TDRD9: variants seen among roughly 807,000 people sequenced by gnomAD.
TDRD9 encodes the protein ATP-dependent RNA helicase TDRD9.
TDRD9 carries 124 observed loss-of-function variants against 172.6 expected under a neutral mutation model. The observed-to-expected ratio is 0.72, with a 90% CI of 0.62 to 0.83. The LOEUF is 0.83. Among genes scored for constraint, TDRD9 ranks in the 40% least tolerant of loss-of-function variants. TDRD9 has a pLI of 0.00. For missense variants in TDRD9, 1,479 were observed against 1,714.1 expected (o/e 0.86, Z 2.42); for synonymous variants, 619 against 617.1 (o/e 1.00, Z -0.05).
chr14:103,996,741 G>A (rs1170830304), intron 12 of TDRD9, among the ~76,000 whole-genome samples: 3 of 152,170 alleles, frequency 2.0e-5, no homozygotes, highest in African/African-American at 7.2e-5. Flanking sequence ...TGACACATTC[G>A]GGGTGGGTAG....
chr14:103,992,924 C>CAAAAAA (rs35212615), intron 9 of TDRD9, among the ~76,000 whole-genome samples: 7 of 58,832 alleles, frequency 1.2e-4, no homozygotes, highest in African/African-American at 2.0e-4. Context: ...GACTCCATCT[C>CAAAAAA]AAAAAAAAAA....
chr14:103,939,592 G>A (rs56253620), intron 1 of TDRD9, among the ~76,000 whole-genome samples: 280 of 146,058 alleles, frequency 1.9e-3, no homozygotes, highest in African/African-American at 6.8e-3. Flanking sequence ...GTTGCATTAC[G>A]TGATTGGGAT....
chr14:104,024,567 A>T lies in TDRD9; in HGVS notation c.2607-2A>T. 6.4e-7 allele frequency: 1 copy of T among 1,573,850 alleles called. No homozygotes were observed. The highest frequency in any genetic ancestry group is 1.2e-5 in the South Asian group (1 of 86,460). The stretch of plus-strand genomic sequence containing the variant: ...ATTTTAATAAAAATTCGTATTATGT[A>T]GGGTGAATGTGGACTTCCAGAAGCA... On this transcript the variant is annotated splice_acceptor_variant, in intron 24 of 35. Coordinates refer to ENST00000409874, the MANE Select transcript of TDRD9 (RefSeq NM_153046.3). LOFTEE classifies it high-confidence loss of function.
At chr14:103,932,723 A>C (rs530123626) in intron 1 of TDRD9, among the ~76,000 whole-genome samples, 1 of 152,300 alleles carries the variant, frequency 6.6e-6, no homozygotes, top group East Asian at 1.9e-4. Flanking sequence ...GGTATTGCAC[A>C]GTTAAAATGT....
At chr14:103,959,497 C>T (rs112629284) in intron 2 of TDRD9, among the ~76,000 whole-genome samples, 1 of 56,486 alleles carries the variant, frequency 1.8e-5, no homozygotes, top group Non-Finnish European at 3.9e-5. Flanking sequence ...TACATACACA[C>T]ACACACACAC....
intron 23 of TDRD9, among the ~76,000 whole-genome samples, chr14:104,018,405 G>T (rs2034856986): frequency 6.6e-6 from 1 of 152,204 alleles, no homozygotes; most frequent in South Asian, 2.1e-4. Flanking sequence ...GAACTAAGCT[G>T]CTGGTTAGTG....
At chr14:104,050,085 C>T (rs552281866) in intron 35 of TDRD9, 11 of 168,664 alleles carry the variant, frequency 6.5e-5, no homozygotes, top group South Asian at 3.4e-4. Flanking sequence ...AGTGCCACCA[C>T]GGGTAGGGGC....
At chr14:104,026,283 C>T (rs555468743) in intron 27 of TDRD9, 147 bp downstream of exon 27, 5 of 613,570 alleles carry the variant, frequency 8.1e-6, no homozygotes, top group Non-Finnish European at 1.4e-5. Context: ...GTCACAATAG[C>T]CAAATTTGGT....
At chr14:104,036,649 G>A (rs1359563085) in intron 32 of TDRD9, among the ~76,000 whole-genome samples, 1 of 152,170 alleles carries the variant, frequency 6.6e-6, no homozygotes, top group African/African-American at 2.4e-5. Context: ...CAACTCCAGA[G>A]TGCAAGCGTT....
At chr14:103,988,407 C>G (rs1438225260) in intron 8 of TDRD9, among the ~76,000 whole-genome samples, 1 of 152,020 alleles carries the variant, frequency 6.6e-6, no homozygotes, top group Non-Finnish European at 1.5e-5. Context: ...CTCTTGACCT[C>G]GTGATGCGCC....
At chr14:103,957,295 C>T (rs1035537660) in intron 2 of TDRD9, among the ~76,000 whole-genome samples, 2 of 152,174 alleles carry the variant, frequency 1.3e-5, no homozygotes, top group Admixed American at 6.5e-5. Flanking sequence ...GTGTTCTTGC[C>T]TCATCACAGG....
At chr14:103,971,385 A>G (rs1401295428) in intron 6 of TDRD9, among the ~76,000 whole-genome samples, 1 of 150,558 alleles carries the variant, frequency 6.6e-6, no homozygotes, top group Non-Finnish European at 1.5e-5. Context: ...GCTCACTGCC[A>G]CCTCCGCCTC....
Position 104,016,072 on chromosome 14 carries a change from C to G in TDRD9, c.2315C>G (p.Pro772Arg), listed in dbSNP as rs1282883250. 1.2e-6 allele frequency: 2 copies of G among 1,602,390 alleles called. No individual in the cohort carries two copies. Among genetic ancestry groups the G allele is most frequent in the South Asian group, 1.1e-5 (1 of 88,370 alleles). ...MAVRELAGKD[P>R]KTTVVLKHIP... ...GTGAGGGAGCTGGCTGGCAAGGACC[C>G]CAAGACAACTGTCGTGGTAGGTGCT... is the stretch of plus-strand genomic sequence containing the variant. The change falls in exon 22 of 36, where the codon CCC (proline) becomes CGC (arginine). Residue 772 changes from proline to arginine, a missense_variant. Around this residue, in one of 3 missense-constraint regions of TDRD9, gnomAD observed 1,413 missense variants for 1,649.1 expected, o/e 0.86. Coordinates refer to ENST00000409874, the MANE Select transcript of TDRD9 (RefSeq NM_153046.3).
Position 104,026,197 on chromosome 14 carries a change from T to C in TDRD9, c.3021+61T>C, listed in dbSNP as rs1304793899. 1.4e-5 allele frequency: 16 copies of C among 1,173,300 alleles called. No homozygotes were observed. The Admixed American group carries it at 2.7e-4, about 20-fold the overall frequency. 72.7% of individuals were successfully genotyped at this position (1,173,300 alleles called of 1,614,324 possible). A position where few individuals can be genotyped will look rare whatever the true frequency, so the allele number is the denominator to read the frequency against. ...ATGCTGGACAGGATTCCTGGGTGGA[T>C]TCCTGGGTCATATGGTGCCCTGCCT... On this transcript the variant is annotated intron_variant, in intron 27 of 35. Transcript: ENST00000409874.
intron 33 of TDRD9, among the ~76,000 whole-genome samples, chr14:104,041,641 C>A (rs2035614662): frequency 6.6e-6 from 1 of 152,162 alleles, no homozygotes; most frequent in Admixed American, 6.5e-5. Context: ...GAGATAGCAC[C>A]ACCTACTTAC....
chr14:103,982,280 A>G (rs1178282239), intron 7 of TDRD9, among the ~76,000 whole-genome samples: 1 of 152,202 alleles, frequency 6.6e-6, no homozygotes, highest in East Asian at 1.9e-4. Flanking sequence ...GCTGCTCTCC[A>G]GCCGTTGCTG....
intron 1 of TDRD9, among the ~76,000 whole-genome samples, chr14:103,948,634 A>G (rs1214245983): frequency 6.6e-6 from 1 of 152,096 alleles, no homozygotes; most frequent in African/African-American, 2.4e-5. Flanking sequence ...TCAGCCTTGA[A>G]AAGGAAGAAA....
At position 104,023,184 on chromosome 14, in the gene TDRD9, C is replaced by CAAAAAAAA. The variant is rs10661391; in HGVS notation, c.2606+877_2606+884dup. 2.2e-4 allele frequency among the ~76,000 whole-genome samples: 14 copies of CAAAAAAAA among 64,454 alleles called. 1 individual carries two copies. In the East Asian group the frequency reaches 3.6e-3, roughly 17 times the overall value. 42.3% of individuals were successfully genotyped at this position (64,454 alleles called of 152,430 possible). ...TGGGCGACAGAGCGAGACTCCGTCT[C>CAAAAAAAA]AAAAAAAAAAAAAAAAAAAAAAAAA... On this transcript the variant is annotated intron_variant, in intron 24 of 35. Transcript: ENST00000409874.
Position 104,051,976 on chromosome 14 carries a change from A to G in TDRD9, c.4048-5A>G. 6.3e-7 allele frequency: 1 copy of G among 1,584,182 alleles called. No homozygotes were observed. Among genetic ancestry groups the G allele is most frequent in the South Asian group, 1.2e-5 (1 of 86,314 alleles). On this transcript the variant is annotated splice_polypyrimidine_tract_variant and splice_region_variant and intron_variant, in intron 35 of 35. Transcript: ENST00000409874. ...CCTGACTGGTCCGCTTGTCTACCCCATTAGGTTGATCCAAAGCTGGTCATG... is the reference window on the plus strand; with the variant it reads ...CCTGACTGGTCCGCTTGTCTACCCCGTTAGGTTGATCCAAAGCTGGTCATG...
Sources: allele counts gnomAD v4.1 joint callset (sites outside exome capture counted in the v4.1 genomes callset), GRCh38; gene constraint gnomAD v4.1.1; regional missense constraint gnomAD v4.1.1; transcripts MANE v1.5; gene names NCBI Gene and HGNC (gene_info 2026-07-23, HGNC 2026-07-21).